WDPCP: variants seen among roughly 807,000 people sequenced by gnomAD.
The protein encoded by WDPCP is WD repeat containing planar cell polarity effector, also known as WD repeat-containing and planar cell polarity effector protein fritz homolog.
In WDPCP, 71 loss-of-function variants were observed where a neutral mutation model predicts 93.1. The ratio of observed to expected loss-of-function variants is 0.76; its 90% CI spans 0.63 to 0.93. WDPCP has a LOEUF of 0.93. Ranked by LOEUF, WDPCP falls within the 40% of genes least tolerant of loss-of-function variation. The probability of loss-of-function intolerance (pLI) is 0.00; values close to 1 mark genes in which losing one functional copy is unlikely to be tolerated. For missense variants in WDPCP, 844 were observed against 887.4 expected (o/e 0.95, Z 0.62); for synonymous variants, 315 against 315.0 (o/e 1.00, Z 0.00).
At chr2:63,566,640 T>C (rs1707082347) in intron 1 of WDPCP, among the ~76,000 whole-genome samples, 1 of 152,194 alleles carries the variant, frequency 6.6e-6, no homozygotes, top group Non-Finnish European at 1.5e-5. Context: ...GTGGAGGTTG[T>C]CCACACCAAG....
In WDPCP at chr2:63,121,870, C is replaced by A; in HGVS notation, c.*136G>T. The A allele has an allele frequency of 6.8e-7, 1 of 1,461,554 alleles. No individual in the cohort carries two copies. Among genetic ancestry groups the A allele is most frequent in the Non-Finnish European group, 9.1e-7 (1 of 1,102,662 alleles). The allele number at this position is 1,461,554 out of a possible 1,614,324, so 90.5% of individuals were successfully genotyped here. A position where few individuals can be genotyped will look rare whatever the true frequency, so the allele number is the denominator to read the frequency against. ...TAAAACTTTATTTTGAAAACAAACA[C>A]TCAACTCAAAACTCTTAACTAATTT... On this transcript the variant is annotated 3_prime_UTR_variant, in exon 18 of 18. Transcript: ENST00000272321.
intron 1 of WDPCP, among the ~76,000 whole-genome samples, chr2:63,587,929 G>A (rs748270694): frequency 6.6e-6 from 1 of 152,238 alleles, no homozygotes; most frequent in Non-Finnish European, 1.5e-5. Context: ...GGAAGGGAGA[G>A]GCTCACCTCC....
intron 13 of WDPCP, among the ~76,000 whole-genome samples, chr2:63,279,580 A>C (rs901922598): frequency 2.0e-5 from 3 of 152,224 alleles, no homozygotes; most frequent in Non-Finnish European, 4.4e-5. Context: ...TACCACTTCT[A>C]TTCAACATAT....
At chr2:63,213,087 A>C (rs925101161) in intron 14 of WDPCP, among the ~76,000 whole-genome samples, 1 of 152,190 alleles carries the variant, frequency 6.6e-6, no homozygotes, top group Non-Finnish European at 1.5e-5. Flanking sequence ...TAACAAAATT[A>C]TCCAGGAATT....
intron 2 of WDPCP, among the ~76,000 whole-genome samples, chr2:63,740,208 T>C (rs982271729): frequency 6.6e-6 from 1 of 152,140 alleles, no homozygotes; most frequent in Non-Finnish European, 1.5e-5. Context: ...TAGCTTGGGG[T>C]AGAATTGCTG....
intron 2 of WDPCP, among the ~76,000 whole-genome samples, chr2:63,715,128 A>T (rs1669319128): frequency 6.6e-6 from 1 of 152,236 alleles, no homozygotes; most frequent in Non-Finnish European, 1.5e-5. Context: ...GAAAGCAGAT[A>T]GATGGTTTCT....
rs752529791 is a variant in WDPCP, at chr2:63,614,208, TGAA to T, written n.488+36448_488+36450del. On this transcript the variant is annotated intron_variant and non_coding_transcript_variant, in intron 3 of 4. Coordinates refer to the WDPCP transcript ENST00000467687. ...CACATCCCCCATTCCCTCTCCCCTA[TGAA>T]GAAGATTTTTAAACCTCAACCATCT... 9.9e-5 allele frequency among the ~76,000 whole-genome samples: 15 copies of T among 152,270 alleles called. 1 individual carries two copies. The East Asian group carries it at 2.9e-3, about 29-fold the overall frequency.
At chr2:63,783,553 A>C (rs1670426385) in intron 2 of WDPCP, among the ~76,000 whole-genome samples, 1 of 152,244 alleles carries the variant, frequency 6.6e-6, no homozygotes, top group African/African-American at 2.4e-5. Context: ...GGATAAAAAA[A>C]GTATAAGTAT....
rs113966498 is a variant in WDPCP at position 63,702,538 on chromosome 2, C to CGT, written n.309-51701_309-51700insAC. Among the ~76,000 whole-genome samples the CGT allele has an allele frequency of 4.2e-3, 618 of 147,252 alleles. 4 individuals carry two copies. Among genetic ancestry groups the CGT allele is most frequent in the African/African-American group, 0.014 (577 of 40,108 alleles). On this transcript the variant is annotated intron_variant and non_coding_transcript_variant, in intron 2 of 4. Coordinates refer to the WDPCP transcript ENST00000467687. ...CATCAAAAATTAATAGCTACCCATT[C>CGT]TTTTTTTTTTTGGTGTAGGGGGCGG...
chr2:63,726,239 G>A (rs1354750803), intron 2 of WDPCP, among the ~76,000 whole-genome samples: 1 of 152,212 alleles, frequency 6.6e-6, no homozygotes, highest in African/African-American at 2.4e-5. Context: ...GTGAAAGGAA[G>A]TGGTCCAGTT....
intron 14 of WDPCP, among the ~76,000 whole-genome samples, chr2:63,183,792 TCTGA>T (rs999414447): frequency 1.3e-5 from 2 of 152,302 alleles, no homozygotes; most frequent in Admixed American, 1.3e-4. Flanking sequence ...GTTTTGTGAC[TCTGA>T]CTGCTCCAGT....
At chr2:63,550,072 CCTT>C (rs113585218) in intron 1 of WDPCP, among the ~76,000 whole-genome samples, 118,660 of 151,268 alleles carry the variant, frequency 0.78, 46,935 homozygotes, top group East Asian at 0.98. Context: ...CTCTCTCTCT[CCTT>C]GTCTTCTATA....
chr2:63,341,784 G>A (rs2104462061), intron 12 of WDPCP, among the ~76,000 whole-genome samples: 1 of 152,188 alleles, frequency 6.6e-6, no homozygotes, highest in Middle Eastern at 3.4e-3. Context: ...AATATATGAT[G>A]TTCTTCTTTG....
intron 14 of WDPCP, among the ~76,000 whole-genome samples, chr2:63,237,533 T>C (rs1034360514): frequency 7.9e-5 from 12 of 152,166 alleles, no homozygotes; most frequent in Non-Finnish European, 1.6e-4. Flanking sequence ...TGTAAGCTTA[T>C]TGTAGCACTA....
chr2:63,597,490 G>A (rs767517310), intron 3 of WDPCP: 50 of 1,526,392 alleles, frequency 3.3e-5, no homozygotes, highest in Non-Finnish European at 4.3e-5. Context: ...AAGGCATGGA[G>A]AGAAAAGATT....
chr2:63,236,117 A>T (rs1247874992), intron 14 of WDPCP, among the ~76,000 whole-genome samples: 1 of 152,226 alleles, frequency 6.6e-6, no homozygotes, highest in Non-Finnish European at 1.5e-5. Context: ...TAGACCTGAT[A>T]AATGACTTCT....
At chr2:63,500,450 TGGGG>T (rs1553412904) in intron 1 of WDPCP, among the ~76,000 whole-genome samples, 7 of 97,454 alleles carry the variant, frequency 7.2e-5, no homozygotes, top group African/African-American at 2.3e-4. Flanking sequence ...GAAAATGGTG[TGGGG>T]GTGTGTGTGT....
At chr2:63,287,815 C>A (rs1684120918) in intron 13 of WDPCP, among the ~76,000 whole-genome samples, 1 of 152,100 alleles carries the variant, frequency 6.6e-6, no homozygotes, top group Non-Finnish European at 1.5e-5. Context: ...CTGGAGAGTT[C>A]CAATTGGGAG....
intron 12 of WDPCP, among the ~76,000 whole-genome samples, chr2:63,359,634 G>A (rs1340316307): frequency 6.6e-6 from 1 of 152,136 alleles, no homozygotes; most frequent in Admixed American, 6.5e-5. Context: ...ACCAGACTTA[G>A]CAATCACTCT....
Sources: allele counts gnomAD v4.1 joint callset (sites outside exome capture counted in the v4.1 genomes callset), GRCh38; gene constraint gnomAD v4.1.1; transcripts MANE v1.5; gene names NCBI Gene and HGNC (gene_info 2026-07-23, HGNC 2026-07-21).